The following CPNE4 variants were observed in gnomAD, a reference collection of about 807,000 sequenced individuals.
The protein encoded by CPNE4 is copine-4.
CPNE4 carries 25 observed loss-of-function variants against 67.9 expected under a neutral mutation model. The ratio of observed to expected loss-of-function variants is 0.37; its 90% CI spans 0.27 to 0.51. CPNE4 has a LOEUF of 0.51. CPNE4 is among the 20% of genes least tolerant of loss of function. The pLI is 0.93. For missense variants in CPNE4, 464 were observed against 690.8 expected (o/e 0.67, Z 3.68); for synonymous variants, 242 against 244.9 (o/e 0.99, Z 0.11).
At chr3:131,553,875 G>A (rs1362166167) in intron 12 of CPNE4, among the ~76,000 whole-genome samples, 1 of 152,104 alleles carries the variant, frequency 6.6e-6, no homozygotes, top group Non-Finnish European at 1.5e-5. Context: ...AGGAATGGGA[G>A]AAATTAGGGG....
At chr3:131,712,506 A>G (rs912759429) in intron 3 of CPNE4, among the ~76,000 whole-genome samples, 1 of 152,256 alleles carries the variant, frequency 6.6e-6, no homozygotes, top group African/African-American at 2.4e-5. Context: ...GTCTAAACCA[A>G]CAAATATTCC....
At chr3:131,856,798 G>A (rs765030559) in intron 2 of CPNE4, among the ~76,000 whole-genome samples, 2 of 152,036 alleles carry the variant, frequency 1.3e-5, no homozygotes, top group East Asian at 1.9e-4. Context: ...TGATCCTCCC[G>A]TGAGGTAATT....
chr3:131,737,890 T>C (rs1274243395), intron 2 of CPNE4, among the ~76,000 whole-genome samples: 1 of 152,234 alleles, frequency 6.6e-6, no homozygotes, highest in African/African-American at 2.4e-5. Flanking sequence ...TATTTATTCA[T>C]CTAAAGTAAA....
At chr3:131,627,366 A>G (rs2079105941) in intron 7 of CPNE4, among the ~76,000 whole-genome samples, 1 of 152,160 alleles carries the variant, frequency 6.6e-6, no homozygotes, top group African/African-American at 2.4e-5. Context: ...TCAGAAGTAG[A>G]GTCCTTTCAT....
intron 1 of CPNE4, among the ~76,000 whole-genome samples, chr3:131,972,650 A>G (rs534533935): frequency 6.6e-6 from 1 of 152,264 alleles, no homozygotes; most frequent in South Asian, 2.1e-4. Context: ...TGAAGACACA[A>G]AGGGAGAAGG....
chr3:131,698,485 G>A lies in CPNE4; in HGVS notation c.432+1424C>T, dbSNP rs1023241816. Among the ~76,000 whole-genome samples, 16 of 151,850 alleles carry A rather than the reference G, an allele frequency of 1.1e-4. 1 individual carries two copies. Among genetic ancestry groups the A allele is most frequent in the Admixed American group, 6.6e-4 (10 of 15,230 alleles). ...ACACTTTGATTCATGACTGAAGATG[G>A]CAGTCAAGAAAAAGCTTTAACATGA... On this transcript the variant is annotated intron_variant, in intron 4 of 15. Coordinates refer to ENST00000429747, the MANE Select transcript of CPNE4 (RefSeq NM_130808.3).
chr3:132,028,887 A>T (rs6439338), intron 1 of CPNE4, among the ~76,000 whole-genome samples: 102,752 of 150,910 alleles, frequency 0.68, 35,851 homozygotes, highest in Middle Eastern at 0.75. Flanking sequence ...ATGATTTTTT[A>T]AAATTTTGTG....
intron 1 of CPNE4, among the ~76,000 whole-genome samples, chr3:131,936,247 C>T (rs913981773): frequency 3.3e-5 from 5 of 151,728 alleles, no homozygotes; most frequent in Non-Finnish European, 7.4e-5. Flanking sequence ...AGAAGCTGTC[C>T]TGGGAGGGAA....
At chr3:131,862,881 C>T (rs147705970) in intron 2 of CPNE4, among the ~76,000 whole-genome samples, 45,046 of 146,714 alleles carry the variant, frequency 0.31, 7,275 homozygotes, top group African/African-American at 0.41. Flanking sequence ...ACAACAGGCC[C>T]CAGTGTGTGA....
At chr3:131,617,575 A>G (rs1940227642) in intron 7 of CPNE4, among the ~76,000 whole-genome samples, 1 of 152,302 alleles carries the variant, frequency 6.6e-6, no homozygotes, top group African/African-American at 2.4e-5. Context: ...TAAAATTTTC[A>G]ATAGAAATGC....
rs543709721 is a variant in CPNE4, at chr3:131,858,903, G to A, written c.180+46361C>T. On this transcript the variant is annotated intron_variant, in intron 2 of 15. Coordinates refer to ENST00000429747, the MANE Select transcript of CPNE4 (RefSeq NM_130808.3). ...AACAACTCCTTCCCTCTTAAGCAGT[G>A]CTTTTAGGAAGCTTTAAAAGAGAAA... 4.5e-4 allele frequency among the ~76,000 whole-genome samples: 69 copies of A among 152,200 alleles called. 1 individual carries two copies. Among genetic ancestry groups the A allele is most frequent in the African/African-American group, 1.6e-3 (66 of 41,548 alleles).
chr3:131,570,791 T>G (rs1937299330), intron 10 of CPNE4, among the ~76,000 whole-genome samples: 1 of 152,058 alleles, frequency 6.6e-6, no homozygotes, highest in African/African-American at 2.4e-5. Context: ...ATGTATCAAA[T>G]TCTCAAGTGT....
chr3:131,758,576 T>C (rs2082811142), intron 2 of CPNE4, among the ~76,000 whole-genome samples: 1 of 152,158 alleles, frequency 6.6e-6, no homozygotes, highest in Non-Finnish European at 1.5e-5. Context: ...GGGTTAATGC[T>C]GAAATGAGTT....
intron 7 of CPNE4, among the ~76,000 whole-genome samples, chr3:131,666,980 A>G (rs1364981599): frequency 6.6e-6 from 1 of 152,212 alleles, no homozygotes; most frequent in East Asian, 1.9e-4. Flanking sequence ...TTAAGGAAGT[A>G]TAGTTAGCAT....
chr3:131,573,934 A>G (rs570808429), intron 10 of CPNE4, among the ~76,000 whole-genome samples: 1 of 152,234 alleles, frequency 6.6e-6, no homozygotes, highest in South Asian at 2.1e-4. Flanking sequence ...AAGTTTAGGA[A>G]GGACATAGGT....
At chr3:131,752,751 G>A (rs1340377698) in intron 2 of CPNE4, among the ~76,000 whole-genome samples, 2 of 152,066 alleles carry the variant, frequency 1.3e-5, no homozygotes, top group Admixed American at 6.6e-5. Flanking sequence ...ATAATCAGTT[G>A]GAAGGATGAG....
Position 131,841,978 on chromosome 3 carries a change from C to T in CPNE4, c.180+63286G>A, listed in dbSNP as rs1032790855. ...TGTGTAAAACAGCAGTGCTGAAACA[C>T]GAGTTGAGACCTGCCCTCTGCCTCC... is the stretch of plus-strand genomic sequence containing the variant. On this transcript the variant is annotated intron_variant, in intron 2 of 15. Transcript: ENST00000429747. 2.0e-5 allele frequency among the ~76,000 whole-genome samples: 3 copies of T among 152,086 alleles called. 1 individual carries two copies. The highest frequency in any genetic ancestry group is 1.3e-4 in the Admixed American group (2 of 15,264).
chr3:131,561,761 T>C (rs141018815), intron 11 of CPNE4, among the ~76,000 whole-genome samples: 27 of 152,134 alleles, frequency 1.8e-4, no homozygotes, highest in Non-Finnish European at 3.5e-4. Flanking sequence ...CACACTGACT[T>C]TGATGTGAGA....
At chr3:131,916,134 G>A (rs569688814) in intron 1 of CPNE4, among the ~76,000 whole-genome samples, 1 of 152,198 alleles carries the variant, frequency 6.6e-6, no homozygotes, top group South Asian at 2.1e-4. Context: ...GAGAGAAAAA[G>A]CAAACTTAAA....
Sources: allele counts gnomAD v4.1 joint callset (sites outside exome capture counted in the v4.1 genomes callset), GRCh38; gene constraint gnomAD v4.1.1; transcripts MANE v1.5; gene names NCBI Gene and HGNC (gene_info 2026-07-23, HGNC 2026-07-21).